The following NUFIP2 variants were observed in gnomAD, a reference collection of about 807,000 sequenced individuals.
The protein encoded by NUFIP2 is nuclear FMR1 interacting protein 2.
A neutral mutation model predicts 56.9 loss-of-function variants in NUFIP2; 6 were observed. The observed-to-expected ratio is 0.11, with a 90% CI of 0.06 to 0.21. The LOEUF is 0.21. Ranked by LOEUF, NUFIP2 falls within the 10% of genes least tolerant of loss-of-function variation. NUFIP2 has a pLI of 1.00. For synonymous variants in NUFIP2, 321 were observed against 298.2 expected (o/e 1.08, Z -0.79); for missense variants, 828 against 826.8 (o/e 1.00, Z -0.02).
rs2068991440 is a variant in NUFIP2, at chr17:29,259,693, T to G, written c.*4846A>C. On this transcript the variant is annotated 3_prime_UTR_variant, in exon 4 of 4. Transcript: ENST00000225388. The stretch of plus-strand genomic sequence containing the variant: ...AGTCTGAATCAGCAATCCCATCACA[T>G]ATGAGGACGGCCATTCCATAGTTTC... 6.6e-6 allele frequency: 1 copy of G among 151,536 alleles called. No homozygotes were observed. Among genetic ancestry groups the G allele is most frequent in the African/African-American group, 2.4e-5 (1 of 41,316 alleles). The allele number at this position is 151,536 out of a possible 1,614,324, so 9.4% of individuals were successfully genotyped here. A position where few individuals can be genotyped will look rare whatever the true frequency, so the allele number is the denominator to read the frequency against.
intron 2 of NUFIP2, among the ~76,000 whole-genome samples, chr17:29,276,291 ACTCTCCAGG>A (rs1183259685): frequency 6.6e-6 from 1 of 152,024 alleles, no homozygotes; most frequent in Non-Finnish European, 1.5e-5. Context: ...AAGTAATCTT[ACTCTCCAGG>A]CACAATAAAC....
Position 29,286,180 on chromosome 17 carries a change from T to C in NUFIP2, c.1814A>G (p.Asp605Gly). The change falls in exon 2 of 4, where the codon GAC becomes GGC. Residue 605 changes from aspartate (D) to glycine (G), a missense_variant. Asp to Gly is a moderately conservative substitution (Grantham distance 94). Transcript: ENST00000225388. ...PSHIGDLQKADTSSQGALVFL... is the reference protein window; with the variant it reads ...PSHIGDLQKAGTSSQGALVFL... ...CACTAAAGCACCTTGACTACTGGTG[T>C]CTGCTTTCTGCAGGTCACCTATATG... is the stretch of plus-strand genomic sequence containing the variant. The C allele has an allele frequency of 6.2e-7, 1 of 1,613,996 alleles. No individual in the cohort carries two copies. Among genetic ancestry groups the C allele is most frequent in the Non-Finnish European group, 8.5e-7 (1 of 1,179,860 alleles).
At chr17:29,276,036 A>G (rs1212712700) in intron 2 of NUFIP2, among the ~76,000 whole-genome samples, 1 of 149,652 alleles carries the variant, frequency 6.7e-6, no homozygotes, top group Non-Finnish European at 1.5e-5. Flanking sequence ...TCAAATATAT[A>G]TATATATATA....
At chr17:29,291,807 A>G (rs2069215346) in intron 1 of NUFIP2, among the ~76,000 whole-genome samples, 1 of 152,252 alleles carries the variant, frequency 6.6e-6, no homozygotes, top group South Asian at 2.1e-4. Flanking sequence ...CCAAATCTTT[A>G]GGATTAAAAC....
rs757160286 is a variant in NUFIP2 at position 29,264,569 on chromosome 17, G to A, written c.2058C>T (p.Tyr686=). 1.9e-6 allele frequency: 3 copies of A among 1,605,776 alleles called. No individual in the cohort carries two copies. Among genetic ancestry groups the A allele is most frequent in the Non-Finnish European group, 1.7e-6 (2 of 1,172,954 alleles). The change falls in exon 4 of 4, where the codon TAC becomes TAT. Residue 686 remains tyrosine, a synonymous_variant. Transcript: ENST00000225388. Reference sequence around the variant, plus strand: ...GATCTGGACTATCCATGGCTTCATTGTAAGTGATTATCCTTTTGGGATCTA... The same window carrying A: ...GATCTGGACTATCCATGGCTTCATTATAAGTGATTATCCTTTTGGGATCTA... The part of the protein sequence containing the change: ...QKQDPKRIIT[Y]NEAMDSPDQ
Position 29,286,588 on chromosome 17 carries a change from G to C in NUFIP2, c.1406C>G (p.Thr469Ser). 1 of 1,614,204 alleles carries C rather than the reference G, an allele frequency of 6.2e-7. No individual in the cohort carries two copies. The highest frequency in any genetic ancestry group is 8.5e-7 in the Non-Finnish European group (1 of 1,180,044). ...LTSAAVEQIK[T>S]SLFIYPSNMQ... ...ATTTGAAGGATAGATAAAAAGGCTA[G>C]TCTTAATTTGTTCAACAGCTGCTGA... Residue 469 changes from threonine to serine, a missense_variant, in exon 2 of 4, where the codon ACT becomes AGT. Thr to Ser is a moderately conservative substitution (Grantham distance 58). This residue lies in a region of NUFIP2 where 404 missense variants were observed against 380.3 expected (regional missense o/e 1.06). Transcript: ENST00000225388.
chr17:29,282,197 A>C (rs1432929518), intron 2 of NUFIP2, among the ~76,000 whole-genome samples: 4 of 152,154 alleles, frequency 2.6e-5, no homozygotes, highest in Non-Finnish European at 5.9e-5. Flanking sequence ...GTATTAAAAA[A>C]AGCCCTTGCC....
At chr17:29,285,651 A>G (rs1314297239) in intron 2 of NUFIP2, among the ~76,000 whole-genome samples, 1 of 152,192 alleles carries the variant, frequency 6.6e-6, no homozygotes. Flanking sequence ...GAAGGAGAAC[A>G]TATGTTCAAT....
rs568177581 is a variant in NUFIP2, at chr17:29,264,360, G to A, written c.*179C>T. 37 of 205,290 alleles carry A rather than the reference G, an allele frequency of 1.8e-4. No individual in the cohort carries two copies. The South Asian group carries it at 6.1e-3, about 34-fold the overall frequency. The allele number at this position is 205,290 out of a possible 1,614,324, so 12.7% of individuals were successfully genotyped here. A position where few individuals can be genotyped will look rare whatever the true frequency, so the allele number is the denominator to read the frequency against. ...TTAAGAAGTCTAATTACTTTCAGTTGCCTTTTTTAAATAACTATATATATA... is the reference window on the plus strand; with the variant it reads ...TTAAGAAGTCTAATTACTTTCAGTTACCTTTTTTAAATAACTATATATATA... On this transcript the variant is annotated 3_prime_UTR_variant, in exon 4 of 4. Transcript: ENST00000225388.
chr17:29,292,718 C>A (rs1270613938), intron 1 of NUFIP2, among the ~76,000 whole-genome samples: 3 of 149,796 alleles, frequency 2.0e-5, no homozygotes, highest in Non-Finnish European at 3.0e-5. Flanking sequence ...CGCCTCCCGC[C>A]GCACCCGGGA....
In NUFIP2 at chr17:29,260,523, A is replaced by G. The variant is rs913819224; in HGVS notation, c.*4016T>C. 1.3e-5 allele frequency: 2 copies of G among 152,240 alleles called. No individual in the cohort carries two copies. The highest frequency in any genetic ancestry group is 4.8e-5 in the African/African-American group (2 of 41,454). 9.4% of individuals were successfully genotyped at this position (152,240 alleles called of 1,614,324 possible). A position where few individuals can be genotyped will look rare whatever the true frequency, so the allele number is the denominator to read the frequency against. On this transcript the variant is annotated 3_prime_UTR_variant, in exon 4 of 4. Transcript: ENST00000225388. ...TTACAGTGGAATTAAAATTGAGTAA[A>G]GTCCATTTCCAATAGCCATTTGATA...
At chr17:29,290,836 T>G (rs1480322138) in intron 1 of NUFIP2, among the ~76,000 whole-genome samples, 1 of 151,838 alleles carries the variant, frequency 6.6e-6, no homozygotes, top group Non-Finnish European at 1.5e-5. Flanking sequence ...GGCCCATTAG[T>G]CACAACTTTT....
At chr17:29,273,899 C>T (rs1421616186) in intron 2 of NUFIP2, among the ~76,000 whole-genome samples, 3 of 151,890 alleles carry the variant, frequency 2.0e-5, no homozygotes, top group African/African-American at 7.3e-5. Flanking sequence ...CTTCCTATAG[C>T]GAAATGTCCA....
intron 2 of NUFIP2, among the ~76,000 whole-genome samples, chr17:29,272,430 C>CG (rs1278818189): frequency 6.6e-6 from 1 of 151,876 alleles, no homozygotes; most frequent in Non-Finnish European, 1.5e-5. Flanking sequence ...TTAGTAGAGA[C>CG]GGGGTTTCAC....
rs1348607366 is a variant in NUFIP2, at chr17:29,287,315, T to C, written c.679A>G (p.Arg227Gly). 3.7e-6 allele frequency: 6 copies of C among 1,614,190 alleles called. No homozygotes were observed. The South Asian group carries it at 6.6e-5, about 18-fold the overall frequency. The stretch of plus-strand genomic sequence containing the variant: ...TCACAACCCTTGGCACTATTGCGCC[T>C]AGCTTTCCTTTTTTTAGGAGTTGTA... Reference protein sequence around the residue: ...GYTTPKKRKARRNSAKGCENL... With the variant: ...GYTTPKKRKAGRNSAKGCENL... Residue 227 changes from arginine (R) to glycine (G), a missense_variant, in exon 2 of 4, where the codon AGG becomes GGG. By Grantham distance (125) the Arg-to-Gly change is moderately radical. Coordinates refer to ENST00000225388, the MANE Select transcript of NUFIP2 (RefSeq NM_020772.3).
rs2069184576 is a variant in NUFIP2, at chr17:29,287,448, A to G, written c.546T>C (p.Asp182=). Residue 182 remains aspartate, a synonymous_variant, in exon 2 of 4, where the codon GAT becomes GAC. Coordinates refer to ENST00000225388, the MANE Select transcript of NUFIP2 (RefSeq NM_020772.3). ...CCACACCATTTGGAATTGGTATAGT[A>G]TCAGACTTATCTACAGACTGATTCT... ...SGENQSVDKS[D]TIPIPNGVVT... The G allele has an allele frequency of 6.2e-7, 1 of 1,614,188 alleles. No homozygotes were observed. The highest frequency in any genetic ancestry group is 8.5e-7 in the Non-Finnish European group (1 of 1,180,020).
chr17:29,287,053 T>G lies in NUFIP2; in HGVS notation c.941A>C (p.Lys314Thr). 1 of 1,614,184 alleles carries G rather than the reference T, an allele frequency of 6.2e-7. No individual in the cohort carries two copies. The highest frequency in any genetic ancestry group is 8.5e-7 in the Non-Finnish European group (1 of 1,180,030). ...SDSKPGVSSK[K>T]FDDRPKGKHA... ...CTTTCCTTTGGGCCGATCATCAAAC[T>G]TTTTGCTGCTCACACCAGGTTTACT... is the stretch of plus-strand genomic sequence containing the variant. The change falls in exon 2 of 4, where the codon AAG becomes ACG. Residue 314 changes from lysine (K) to threonine (T), a missense_variant. Lys to Thr is a moderately conservative substitution (Grantham distance 78). Coordinates refer to ENST00000225388, the MANE Select transcript of NUFIP2 (RefSeq NM_020772.3).
chr17:29,265,518 G>T (rs2069030303), intron 3 of NUFIP2, among the ~76,000 whole-genome samples: 2 of 147,384 alleles, frequency 1.4e-5, no homozygotes, highest in South Asian at 4.2e-4. Context: ...TAGCCAGGAT[G>T]GTCTCGATCT....
chr17:29,283,944 A>C (rs901565063), intron 2 of NUFIP2, among the ~76,000 whole-genome samples: 1 of 152,218 alleles, frequency 6.6e-6, no homozygotes, highest in African/African-American at 2.4e-5. Flanking sequence ...TTTTTAAGGA[A>C]GTAAAATGAT....
Sources: allele counts gnomAD v4.1 joint callset (sites outside exome capture counted in the v4.1 genomes callset), GRCh38; gene constraint gnomAD v4.1.1; regional missense constraint gnomAD v4.1.1; transcripts MANE v1.5; gene names NCBI Gene and HGNC (gene_info 2026-07-23, HGNC 2026-07-21).